The following COL4A5 variants were observed in gnomAD, a reference collection of about 807,000 sequenced individuals.
COL4A5 encodes the protein collagen type IV alpha 5 chain.
COL4A5 carries 26 observed loss-of-function variants against 130.2 expected under a neutral mutation model. That is an observed-to-expected ratio of 0.20 (90% CI 0.15 to 0.28). COL4A5 has a LOEUF of 0.28. Ranked by LOEUF, COL4A5 falls within the 10% of genes least tolerant of loss-of-function variation. The pLI, the probability that COL4A5 is intolerant of heterozygous loss-of-function variation, is 1.00. For missense variants in COL4A5, 1,131 were observed against 1,344.3 expected (o/e 0.84, Z 2.48); for synonymous variants, 496 against 439.6 (o/e 1.13, Z -1.60).
chrX:108,684,659 A>G (rs1338054902), intron 47 of COL4A5, among the ~76,000 whole-genome samples: 1 of 112,825 alleles, frequency 8.9e-6, no homozygotes, highest in Non-Finnish European at 1.9e-5. Flanking sequence ...TTCACAGCCA[A>G]ATTCTGCCAG....
At chrX:108,668,982 TA>T (rs2068141212) in intron 41 of COL4A5, among the ~76,000 whole-genome samples, 1 of 111,536 alleles carries the variant, frequency 9.0e-6, no homozygotes, top group Admixed American at 9.5e-5. Context: ...CAGGCACAAT[TA>T]AAAAAATTAT....
At chrX:108,531,158 A>G (rs1161562538) in intron 1 of COL4A5, among the ~76,000 whole-genome samples, 2 of 91,428 alleles carry the variant, frequency 2.2e-5, no homozygotes, top group African/African-American at 8.1e-5. Context: ...GAATTGAACA[A>G]TGAGAACACA....
At position 108,547,043 on chromosome X, in the gene COL4A5, A is replaced by T. The variant is rs180801267; in HGVS notation, c.141+7238A>T. ...TTTTCAAGGTTTTTAACTTGTTTGC[A>T]TTGGGTTCGAACTTCCTCCTTTAGC... On this transcript the variant is annotated intron_variant, in intron 2 of 52. Coordinates refer to ENST00000328300, the MANE Select transcript of COL4A5 (RefSeq NM_033380.3). Among the ~76,000 whole-genome samples the T allele has an allele frequency of 3.5e-4, 39 of 111,523 alleles. 1 individual carries two copies. In the East Asian group the frequency reaches 9.6e-3, roughly 27 times the overall value.
At chrX:108,555,396 CA>C (rs2065810034) in intron 2 of COL4A5, among the ~76,000 whole-genome samples, 1 of 112,130 alleles carries the variant, frequency 8.9e-6, no homozygotes, top group Admixed American at 9.5e-5. Flanking sequence ...TACATAACTA[CA>C]AAAACAAAAT....
intron 13 of COL4A5, 49 bp downstream of exon 13, chrX:108,578,432 A>C: frequency 1.1e-6 from 1 of 884,208 alleles, no homozygotes; most frequent in Non-Finnish European, 1.7e-6. Flanking sequence ...TGGATATGTT[A>C]ATTAGTTTGA....
chrX:108,513,142 A>G (rs1445635554), intron 1 of COL4A5, among the ~76,000 whole-genome samples: 3 of 111,567 alleles, frequency 2.7e-5, no homozygotes, highest in African/African-American at 9.8e-5. Flanking sequence ...AATAGCTGGG[A>G]GTGGAATTGT....
At chrX:108,508,213 G>T (rs1302601902) in intron 1 of COL4A5, among the ~76,000 whole-genome samples, 2 of 110,672 alleles carry the variant, frequency 1.8e-5, no homozygotes, top group Non-Finnish European at 3.8e-5. Context: ...AATCAATGCA[G>T]AAAATCACTA....
At chrX:108,545,267 T>C (rs2065627874) in intron 2 of COL4A5, among the ~76,000 whole-genome samples, 1 of 111,708 alleles carries the variant, frequency 9.0e-6, no homozygotes, top group East Asian at 2.8e-4. Flanking sequence ...TTTCCCTCTA[T>C]ACACTGCTTT....
intron 13 of COL4A5, among the ~76,000 whole-genome samples, chrX:108,579,059 A>AT (rs57768008): frequency 0.25 from 26,448 of 107,340 alleles, 2,771 homozygotes; most frequent in East Asian, 0.57. Context: ...GTACAATTCA[A>AT]TTTTTTTTTT....
intron 29 of COL4A5, among the ~76,000 whole-genome samples, chrX:108,614,295 G>A (rs1420510616): frequency 8.9e-6 from 1 of 111,743 alleles, no homozygotes; most frequent in Admixed American, 9.6e-5. Flanking sequence ...GCGCACAGGG[G>A]CTTTTTTGGG....
intron 1 of COL4A5, among the ~76,000 whole-genome samples, chrX:108,516,376 CT>C (rs955239596): frequency 1.8e-5 from 2 of 111,912 alleles, no homozygotes; most frequent in African/African-American, 6.5e-5. Flanking sequence ...GTACTGTGGT[CT>C]TTTTGTTTGC....
chrX:108,506,717 G>T (rs1011072892), intron 1 of COL4A5, among the ~76,000 whole-genome samples: 18 of 110,671 alleles, frequency 1.6e-4, no homozygotes, highest in Admixed American at 3.8e-4. Flanking sequence ...GTACGATTTG[G>T]TTCCATAGAC....
At chrX:108,674,675 T>A (rs1379462183) in intron 42 of COL4A5, 70 bp from the exon 43 acceptor site, 15 of 1,047,039 alleles carry the variant, frequency 1.4e-5, no homozygotes, top group Non-Finnish European at 2.0e-5. Flanking sequence ...CATAATCTTA[T>A]TTTGTACTGT....
intron 1 of COL4A5, chrX:108,462,315 T>A (rs1370459459): frequency 1.8e-5 from 2 of 112,479 alleles, no homozygotes; most frequent in South Asian, 3.7e-4. Context: ...AAAATGATTT[T>A]AAAATATTTA....
At chrX:108,592,049 A>G (rs2066446049) in intron 21 of COL4A5, among the ~76,000 whole-genome samples, 1 of 111,853 alleles carries the variant, frequency 8.9e-6, no homozygotes, top group Non-Finnish European at 1.9e-5. Context: ...GAACAAAAGC[A>G]TAATCCAAAT....
chrX:108,542,252 TC>T (rs1402731685), intron 2 of COL4A5, among the ~76,000 whole-genome samples: 11 of 108,851 alleles, frequency 1.0e-4, no homozygotes, highest in Non-Finnish European at 1.9e-4. Context: ...ATGCTATCCT[TC>T]CCCCCACCCC....
intron 1 of COL4A5, among the ~76,000 whole-genome samples, chrX:108,534,914 C>T (rs1250901317): frequency 9.0e-6 from 1 of 110,685 alleles, no homozygotes; most frequent in East Asian, 2.8e-4. Context: ...TTTATTCCCT[C>T]TCTCACCTCT....
intron 2 of COL4A5, among the ~76,000 whole-genome samples, chrX:108,542,912 A>G (rs1457737891): frequency 2.9e-4 from 31 of 107,886 alleles, no homozygotes; most frequent in African/African-American, 1.0e-3. Flanking sequence ...TCTTCTTTTG[A>G]GAAGTGTCTG....
chrX:108,560,038 A>G (rs1302798969), intron 3 of COL4A5, among the ~76,000 whole-genome samples: 4 of 111,804 alleles, frequency 3.6e-5, no homozygotes, highest in African/African-American at 6.5e-5. Flanking sequence ...AGTGAGAAAC[A>G]TAAGCTGCCC....
Sources: gnomAD v4.1 joint callset for allele counts (sites outside exome capture counted in the v4.1 genomes callset) on GRCh38, gnomAD v4.1.1 for gene constraint, MANE v1.5 for transcripts, NCBI Gene and HGNC (gene_info 2026-07-23, HGNC 2026-07-21) for gene names.